The following ABCB10 variants were observed in gnomAD, a reference collection of about 807,000 sequenced individuals.
The protein encoded by ABCB10 is ATP-binding cassette sub-family B member 10, mitochondrial.
Under a neutral mutation model 65.4 loss-of-function variants are expected in ABCB10, and 54 were observed. That is an observed-to-expected ratio of 0.83 (90% CI 0.66 to 1.04). The LOEUF is 1.04. Ranked by LOEUF, ABCB10 falls within the 50% of genes least tolerant of loss-of-function variation. The pLI is 0.00. For missense variants in ABCB10, 846 were observed against 976.6 expected, an observed-to-expected ratio of 0.87 and a Z score of 1.78; for synonymous variants, 418 against 406.5, an observed-to-expected ratio of 1.03 and a Z score of -0.34.
rs1443987372 is a variant in ABCB10, at chr1:229,530,285, C to G, written c.1559G>C (p.Gly520Ala). 2 of 1,614,012 alleles carry G rather than the reference C, an allele frequency of 1.2e-6. No homozygotes were observed. The highest frequency in any genetic ancestry group is 2.7e-5 in the African/African-American group (2 of 74,888). Residue 520 changes from glycine (G) to alanine (A), a missense_variant, in exon 8 of 13, where the codon GGA becomes GCA. Transcript: ENST00000344517. The stretch of plus-strand genomic sequence containing the variant: ...TGGGCCAACCAGTGCCGTGACAGAT[C>G]CTGACGGAATGGAAAGGCTGAAATC... ...FQDFSLSIPS[G>A]SVTALVGPSG...
intron 6 of ABCB10, among the ~76,000 whole-genome samples, chr1:229,535,864 T>C (rs2102694679): frequency 6.6e-6 from 1 of 152,262 alleles, no homozygotes; most frequent in Non-Finnish European, 1.5e-5. Context: ...TAGCTGGGAT[T>C]ACGGGCATGA....
intron 5 of ABCB10, among the ~76,000 whole-genome samples, chr1:229,539,917 G>A (rs562080333): frequency 6.6e-6 from 1 of 152,232 alleles, no homozygotes; most frequent in South Asian, 2.1e-4. Flanking sequence ...TACTGTATAG[G>A]TTTATATAAT....
intron 5 of ABCB10, among the ~76,000 whole-genome samples, chr1:229,540,239 C>G (rs1250800982): frequency 1.3e-5 from 2 of 152,174 alleles, no homozygotes; most frequent in African/African-American, 2.4e-5. Flanking sequence ...TTAGACTTTG[C>G]TGGCATCAGA....
At chr1:229,527,977 T>C (rs1244035436) in intron 8 of ABCB10, among the ~76,000 whole-genome samples, 2 of 152,262 alleles carry the variant, frequency 1.3e-5, no homozygotes, top group Non-Finnish European at 1.5e-5. Context: ...GTCGATACCA[T>C]GGCAGAGCTT....
chr1:229,533,249 G>A (rs981270069), intron 6 of ABCB10, among the ~76,000 whole-genome samples: 6 of 151,812 alleles, frequency 4.0e-5, no homozygotes, highest in Admixed American at 6.6e-5. Flanking sequence ...TCAGCCTCCC[G>A]AGTAGCTGGG....
intron 11 of ABCB10, among the ~76,000 whole-genome samples, chr1:229,521,125 G>A (rs552944792): frequency 6.6e-6 from 1 of 152,036 alleles, no homozygotes; most frequent in East Asian, 1.9e-4. Context: ...CAAAGGGAAG[G>A]CTATTGCTTC....
At position 229,558,377 on chromosome 1, in the gene ABCB10, C is replaced by T; in HGVS notation, c.276G>A (p.Leu92=). 2 of 1,253,400 alleles carry T rather than the reference C, an allele frequency of 1.6e-6. No homozygotes were observed. Among genetic ancestry groups the T allele is most frequent in the South Asian group, 2.0e-5 (1 of 50,718 alleles). 77.6% of individuals were successfully genotyped at this position (1,253,400 alleles called of 1,614,324 possible). A position where few individuals can be genotyped will look rare whatever the true frequency, so the allele number is the denominator to read the frequency against. The change falls in exon 1 of 13, where the codon CTG becomes CTA. Residue 92 remains leucine (L), a synonymous_variant. Coordinates refer to ENST00000344517, the MANE Select transcript of ABCB10 (RefSeq NM_012089.3). ...GVLGLARLLG[L]WARGPGSCRC... ...TGCAGCTGCCGGGGCCGCGAGCCCACAGCCCCAGGAGCCGCGCGAGGCCCA... is the reference window on the plus strand; with the variant it reads ...TGCAGCTGCCGGGGCCGCGAGCCCATAGCCCCAGGAGCCGCGCGAGGCCCA...
At chr1:229,542,138 C>G in intron 4 of ABCB10, 99 bp downstream of exon 4, 3 of 1,423,234 alleles carry the variant, frequency 2.1e-6, no homozygotes, top group Non-Finnish European at 2.8e-6. Flanking sequence ...GCAGGCACTT[C>G]ATTGAAAAAC....
At chr1:229,533,707 T>C (rs143178220) in intron 6 of ABCB10, among the ~76,000 whole-genome samples, 383 of 152,338 alleles carry the variant, frequency 2.5e-3, no homozygotes, top group African/African-American at 9.0e-3. Context: ...TTTTAACAAA[T>C]GGTTCTAGAA....
rs529375739 is a variant in ABCB10, at chr1:229,534,188, T to C, written c.1340-2457A>G. 1.9e-3 allele frequency among the ~76,000 whole-genome samples: 293 copies of C among 152,324 alleles called. 1 individual carries two copies. The highest frequency in any genetic ancestry group is 2.8e-3 in the Non-Finnish European group (188 of 68,028). ...ATATGAACAGACGCTCAACATCATA[T>C]GTCATCAGGGAAATGCCAACTAAAA... is the stretch of plus-strand genomic sequence containing the variant. On this transcript the variant is annotated intron_variant, in intron 6 of 12. Transcript: ENST00000344517.
intron 3 of ABCB10, 125 bp from the exon 4 acceptor site, chr1:229,542,496 A>G (rs932419062): frequency 1.5e-5 from 18 of 1,171,950 alleles, no homozygotes; most frequent in Non-Finnish European, 2.1e-5. Flanking sequence ...AATTAACAGC[A>G]GGCTTGAAGG....
chr1:229,539,952 C>A lies in ABCB10; in HGVS notation c.1204-361G>T, dbSNP rs766611737. On this transcript the variant is annotated intron_variant, in intron 5 of 12. Transcript: ENST00000344517. The stretch of plus-strand genomic sequence containing the variant: ...TATAATCAGATGTTCTGGGCAAGGA[C>A]ACCAGCCTGAGGAGCTGGACTCCTG... Among the ~76,000 whole-genome samples the A allele has an allele frequency of 7.0e-4, 106 of 152,304 alleles. 2 individuals are homozygous for A. The highest frequency in any genetic ancestry group is 2.5e-4 in the Non-Finnish European group (17 of 68,024).
chr1:229,540,653 G>T lies in ABCB10; in HGVS notation c.1156C>A (p.Gln386Lys). 1 of 1,612,402 alleles carries T rather than the reference G, an allele frequency of 6.2e-7. No individual in the cohort carries two copies. The highest frequency in any genetic ancestry group is 8.5e-7 in the Non-Finnish European group (1 of 1,179,988). Residue 386 changes from glutamine (Q) to lysine (K), a missense_variant, in exon 5 of 13, where the codon CAG becomes AAG. Physicochemically the swap from Gln to Lys is moderately conservative, Grantham distance 53 (BLOSUM62 1). Transcript: ENST00000344517. ...KYASKVDHVMQLARKEAFARA... is the reference protein window; with the variant it reads ...KYASKVDHVMKLARKEAFARA... ...GCGAATGCCTCTTTCCTTGCTAACT[G>T]CATTACATGGTCCACTTTGCTGGCA...
chr1:229,529,694 G>C (rs200394558), intron 8 of ABCB10, among the ~76,000 whole-genome samples: 1 of 105,022 alleles, frequency 9.5e-6, no homozygotes, highest in African/African-American at 3.6e-5. Context: ...AAAAAAAAAA[G>C]AAGTGAATCA....
intron 6 of ABCB10, chr1:229,535,039 A>T (rs978721053): frequency 3.6e-5 from 1 of 27,880 alleles, no homozygotes; most frequent in Admixed American, 3.3e-4. Context: ...GACTCCCTTT[A>T]AAAAAAAAAA....
chr1:229,545,300 T>G (rs999240512), intron 3 of ABCB10, among the ~76,000 whole-genome samples: 2 of 152,224 alleles, frequency 1.3e-5, no homozygotes, highest in Non-Finnish European at 2.9e-5. Flanking sequence ...TCATGAGATT[T>G]CAAAGCTGTT....
intron 3 of ABCB10, among the ~76,000 whole-genome samples, chr1:229,545,851 C>T (rs1431940741): frequency 6.6e-6 from 1 of 152,176 alleles, no homozygotes; most frequent in Non-Finnish European, 1.5e-5. Context: ...TCTCAGTCTA[C>T]TCAGTGTGAA....
At chr1:229,556,372 C>CA (rs58690289) in intron 1 of ABCB10, among the ~76,000 whole-genome samples, 1,980 of 88,648 alleles carry the variant, frequency 0.022, 40 homozygotes, top group African/African-American at 0.07. Flanking sequence ...AACTCCATCT[C>CA]AAAAAAAAAA....
chr1:229,518,062 A>G lies in ABCB10; in HGVS notation c.*117T>C. On this transcript the variant is annotated 3_prime_UTR_variant, in exon 13 of 13. Transcript: ENST00000344517. ...CAATCTTTTACACACTTTGGAAAAA[A>G]ATAGGTATTTTTCAAATAACTTGAT... 1.4e-6 allele frequency: 1 copy of G among 731,928 alleles called. No individual in the cohort carries two copies. The highest frequency in any genetic ancestry group is 2.3e-6 in the Non-Finnish European group (1 of 442,486). The allele number at this position is 731,928 out of a possible 1,614,324, so 45.3% of individuals were successfully genotyped here.
Sources: gnomAD v4.1 joint callset for allele counts (sites outside exome capture counted in the v4.1 genomes callset) on GRCh38, gnomAD v4.1.1 for gene constraint, MANE v1.5 for transcripts, NCBI Gene and HGNC (gene_info 2026-07-23, HGNC 2026-07-21) for gene names.